Variants in PCDH15 observed in about 807,000 individuals in gnomAD.
PCDH15 encodes protocadherin related 15.
Under a neutral mutation model 178.5 loss-of-function variants are expected in PCDH15, and 129 were observed. The observed-to-expected ratio is 0.72, with a 90% CI of 0.63 to 0.84. The LOEUF is 0.84. PCDH15 is among the 40% of genes least tolerant of loss of function. The pLI, the probability that PCDH15 is intolerant of heterozygous loss-of-function variation, is 0.00. For synonymous variants in PCDH15, 800 were observed against 732.0 expected, an observed-to-expected ratio of 1.09 and a Z score of -1.50; for missense variants, 2,230 against 2,099.9, an observed-to-expected ratio of 1.06 and a Z score of -1.21.
intron 2 of PCDH15, among the ~76,000 whole-genome samples, chr10:54,578,802 T>G (rs2090760236): frequency 6.6e-6 from 1 of 152,104 alleles, no homozygotes; most frequent in Non-Finnish European, 1.5e-5. Flanking sequence ...GGCAGAAGAC[T>G]TCTCAGTAGA....
intron 18 of PCDH15, among the ~76,000 whole-genome samples, chr10:54,066,154 A>C (rs1308928153): frequency 6.6e-6 from 1 of 152,184 alleles, no homozygotes; most frequent in East Asian, 1.9e-4. Context: ...TAGACCAATT[A>C]TTATGTTCAA....
intron 25 of PCDH15, among the ~76,000 whole-genome samples, chr10:53,913,077 C>T (rs2083236460): frequency 6.6e-6 from 1 of 152,146 alleles, no homozygotes; most frequent in Admixed American, 6.5e-5. Flanking sequence ...CAGCATGGTA[C>T]TGGTACCAAA....
rs558959945 is a variant in PCDH15, at chr10:54,386,622, A to C, written c.158-7680T>G. ...AAGAACTTCTGAAATCCAACGAAAA[A>C]CAAATGATCTGATTGAAAAGTGTGT... On this transcript the variant is annotated intron_variant, in intron 3 of 37. Transcript: ENST00000644397. Among the ~76,000 whole-genome samples the C allele has an allele frequency of 4.7e-4, 72 of 152,310 alleles. No homozygotes were observed. In the East Asian group the frequency reaches 0.012, roughly 26 times the overall value.
chr10:55,202,289 G>A (rs1373882125), intron 1 of PCDH15, among the ~76,000 whole-genome samples: 2 of 152,056 alleles, frequency 1.3e-5, no homozygotes, highest in East Asian at 3.9e-4. Context: ...ACTTTTGCCA[G>A]GATTTGTAGC....
intron 2 of PCDH15, among the ~76,000 whole-genome samples, chr10:54,995,355 G>T (rs1470084059): frequency 7.0e-6 from 1 of 142,056 alleles, no homozygotes; most frequent in Non-Finnish European, 1.5e-5. Context: ...CAGCCTGGAC[G>T]ACAGAGCGAG....
At position 54,148,847 on chromosome 10, in the gene PCDH15, C is replaced by T. The variant is rs192213126; in HGVS notation, c.1784+4253G>A. Among the ~76,000 whole-genome samples the T allele has an allele frequency of 2.6e-5, 4 of 151,850 alleles. 1 individual carries two copies. The highest frequency in any genetic ancestry group is 6.6e-5 in the Admixed American group (1 of 15,234). On this transcript the variant is annotated intron_variant, in intron 14 of 37. Coordinates refer to ENST00000644397, the MANE Select transcript of PCDH15 (RefSeq NM_001384140.1). ...GTGCCTCTGCTCCCCTAAAATCTGC[C>T]TCCCACAGAGACAATCAGATGGATT...
intron 18 of PCDH15, among the ~76,000 whole-genome samples, chr10:54,037,968 G>T (rs994768537): frequency 1.3e-5 from 2 of 151,920 alleles, no homozygotes; most frequent in Non-Finnish European, 2.9e-5. Context: ...TGCAGAGTTG[G>T]ATGAGTATGA....
intron 1 of PCDH15, among the ~76,000 whole-genome samples, chr10:55,262,120 G>C (rs1381404227): frequency 1.1e-5 from 1 of 88,948 alleles, no homozygotes; most frequent in African/African-American, 4.4e-5. Context: ...AAATAAAAAA[G>C]AAAAGAAAAG....
intron 2 of PCDH15, among the ~76,000 whole-genome samples, chr10:55,350,246 TATATATATATATATATATATATACAC>T (rs1444677857): frequency 1.4e-4 from 9 of 62,314 alleles, no homozygotes; most frequent in East Asian, 4.0e-4. Context: ...TATATATATA[TATATATATATATATATATATATACAC>T]ACACACACAC....
intron 2 of PCDH15, among the ~76,000 whole-genome samples, chr10:55,621,842 C>G (rs1589193275): frequency 6.6e-6 from 1 of 150,764 alleles, no homozygotes; most frequent in African/African-American, 2.4e-5. Flanking sequence ...GGAAAAAACT[C>G]TAACATCATA....
At chr10:54,591,784 T>A (rs1023832232) in intron 2 of PCDH15, among the ~76,000 whole-genome samples, 20 of 152,166 alleles carry the variant, frequency 1.3e-4, no homozygotes, top group African/African-American at 4.8e-4. Context: ...TTTCATAATA[T>A]TCTGATCTCA....
At position 54,285,862 on chromosome 10, in the gene PCDH15, A is replaced by T. The variant is rs551700361; in HGVS notation, c.876+31409T>A. 6.2e-4 allele frequency among the ~76,000 whole-genome samples: 95 copies of T among 152,340 alleles called. 2 individuals are homozygous for T. Among genetic ancestry groups the T allele is most frequent in the African/African-American group, 2.2e-3 (91 of 41,584 alleles). ...TGAATAAAGAAAATGTGGTATATAT[A>T]CACAATGGAATACCATTCAGCCATA... On this transcript the variant is annotated intron_variant, in intron 8 of 37. Transcript: ENST00000644397.
rs1057186086 is a variant in PCDH15 at position 54,695,722 on chromosome 10, G to A, written c.-28-31432C>T. ...ATACTTACTGACCATTCTGAAAATC[G>A]GAGGGTTGTTAAGATTATGCCAAGT... On this transcript the variant is annotated intron_variant, in intron 1 of 37. Coordinates refer to ENST00000644397, the MANE Select transcript of PCDH15 (RefSeq NM_001384140.1). 3.9e-5 allele frequency among the ~76,000 whole-genome samples: 6 copies of A among 152,080 alleles called. No individual in the cohort carries two copies. In the East Asian group the frequency reaches 5.8e-4, roughly 15 times the overall value.
chr10:54,616,295 GA>G (rs2093150407), intron 2 of PCDH15, among the ~76,000 whole-genome samples: 2 of 152,058 alleles, frequency 1.3e-5, no homozygotes, highest in Admixed American at 1.3e-4. Flanking sequence ...GAACACTGAA[GA>G]AAAAGCTACT....
At chr10:54,311,481 C>G (rs1439895683) in intron 8 of PCDH15, among the ~76,000 whole-genome samples, 1 of 151,780 alleles carries the variant, frequency 6.6e-6, no homozygotes, top group Non-Finnish European at 1.5e-5. Context: ...TTTCATAATA[C>G]CAGAAAACCT....
At chr10:54,359,360 A>G (rs1945617341) in intron 5 of PCDH15, among the ~76,000 whole-genome samples, 1 of 152,012 alleles carries the variant, frequency 6.6e-6, no homozygotes, top group South Asian at 2.1e-4. Context: ...CAAAAAATGT[A>G]CTATATTAAT....
intron 2 of PCDH15, among the ~76,000 whole-genome samples, chr10:55,159,406 A>G (rs1384394952): frequency 7.6e-6 from 1 of 131,044 alleles, no homozygotes; most frequent in East Asian, 2.2e-4. Context: ...TACACATTAT[A>G]TATATTATAA....
intron 32 of PCDH15, among the ~76,000 whole-genome samples, chr10:53,825,924 T>C (rs903041418): frequency 6.6e-6 from 1 of 151,726 alleles, no homozygotes; most frequent in African/African-American, 2.4e-5. Context: ...ATTTGAAAAT[T>C]ACTGTCATCA....
At chr10:54,814,456 G>A (rs1454776488) in intron 3 of PCDH15, among the ~76,000 whole-genome samples, 4 of 152,050 alleles carry the variant, frequency 2.6e-5, no homozygotes, top group Admixed American at 1.3e-4. Context: ...TTTCTATTTA[G>A]TCTTTATAAT....
Sources: gnomAD v4.1 joint callset for allele counts (sites outside exome capture counted in the v4.1 genomes callset) on GRCh38, gnomAD v4.1.1 for gene constraint, MANE v1.5 for transcripts, NCBI Gene and HGNC (gene_info 2026-07-23, HGNC 2026-07-21) for gene names.